LDLRAD4: variants seen among roughly 807,000 people sequenced by gnomAD.
LDLRAD4 encodes the protein low-density lipoprotein receptor class A domain-containing protein 4.
A neutral mutation model predicts 17.0 loss-of-function variants in LDLRAD4; 5 were observed. The observed-to-expected ratio is 0.29, with a 90% CI of 0.15 to 0.62. LDLRAD4 has a LOEUF of 0.62. Among genes scored for constraint, LDLRAD4 ranks in the 20% least tolerant of loss-of-function variants. The probability of loss-of-function intolerance (pLI) is 0.84; values close to 1 mark genes in which losing one functional copy is unlikely to be tolerated. For synonymous variants in LDLRAD4, 168 were observed against 171.8 expected (o/e 0.98, Z 0.17); for missense variants, 340 against 424.7 (o/e 0.80, Z 1.75).
chr18:13,339,926 A>C (rs942240585), intron 1 of LDLRAD4, among the ~76,000 whole-genome samples: 1 of 152,132 alleles, frequency 6.6e-6, no homozygotes, highest in African/African-American at 2.4e-5. Flanking sequence ...CTTCATATCC[A>C]TTAAACACTA....
chr18:13,243,816 C>T lies in LDLRAD4; in HGVS notation c.-467+24828C>T, dbSNP rs187451234. Among the ~76,000 whole-genome samples, 4 of 151,354 alleles carry T rather than the reference C, an allele frequency of 2.6e-5. No homozygotes were observed. In the East Asian group the frequency reaches 7.9e-4, roughly 30 times the overall value. On this transcript the variant is annotated intron_variant, in intron 1 of 5. Transcript: ENST00000399848. ...CATCTATCATCTCCCCAGCTACCAC[C>T]TACCCATCCACCCATCCATCTATCC... is the stretch of plus-strand genomic sequence containing the variant.
At chr18:13,445,836 G>T (rs2091369645) in intron 3 of LDLRAD4, among the ~76,000 whole-genome samples, 1 of 151,992 alleles carries the variant, frequency 6.6e-6, no homozygotes, top group Non-Finnish European at 1.5e-5. Context: ...GTGTGAGGGT[G>T]AGGCTGTGTG....
At chr18:13,435,634 G>C (rs1377710726) in intron 2 of LDLRAD4, among the ~76,000 whole-genome samples, 1 of 152,120 alleles carries the variant, frequency 6.6e-6, no homozygotes, top group African/African-American at 2.4e-5. Context: ...TTTTTGTAGA[G>C]ACAGGGTCTC....
intron 1 of LDLRAD4, among the ~76,000 whole-genome samples, chr18:13,315,654 C>T (rs966477065): frequency 2.1e-5 from 3 of 144,144 alleles, no homozygotes; most frequent in African/African-American, 8.0e-5. Flanking sequence ...TGTGGTGGCA[C>T]ACGTCTGTAA....
At chr18:13,235,108 A>C (rs1447218208) in intron 1 of LDLRAD4, 1 of 152,086 alleles carries the variant, frequency 6.6e-6, no homozygotes, top group East Asian at 1.9e-4. Context: ...AAAATTAGCC[A>C]GGCGTGGTGG....
At chr18:13,478,850 G>T (rs1028399918) in intron 3 of LDLRAD4, among the ~76,000 whole-genome samples, 1 of 152,202 alleles carries the variant, frequency 6.6e-6, no homozygotes, top group African/African-American at 2.4e-5. Context: ...CAAAGGAGGA[G>T]AAATGACGCT....
At chr18:13,547,678 A>G (rs2094384787) in intron 3 of LDLRAD4, among the ~76,000 whole-genome samples, 1 of 152,206 alleles carries the variant, frequency 6.6e-6, no homozygotes. Flanking sequence ...GACCAGGCAT[A>G]CCACAAGCGG....
chr18:13,608,697 G>T (rs1212216851), intron 3 of LDLRAD4, among the ~76,000 whole-genome samples: 1 of 152,136 alleles, frequency 6.6e-6, no homozygotes, highest in Non-Finnish European at 1.5e-5. Context: ...GATCCTTAAA[G>T]CCCGTTTGGT....
chr18:13,331,784 A>T (rs2081879229), intron 1 of LDLRAD4, among the ~76,000 whole-genome samples: 1 of 152,178 alleles, frequency 6.6e-6, no homozygotes, highest in African/African-American at 2.4e-5. Context: ...TATCAGTGTC[A>T]TTTGTACTTC....
chr18:13,389,272 C>T (rs1231504560), intron 2 of LDLRAD4, among the ~76,000 whole-genome samples: 1 of 152,070 alleles, frequency 6.6e-6, no homozygotes, highest in East Asian at 1.9e-4. Flanking sequence ...GGATGGGCAG[C>T]TCCCTCATGG....
At chr18:13,272,172 G>A (rs894184980) in intron 1 of LDLRAD4, among the ~76,000 whole-genome samples, 5 of 152,200 alleles carry the variant, frequency 3.3e-5, no homozygotes, top group Non-Finnish European at 7.3e-5. Flanking sequence ...GGGATTACAG[G>A]CGTGAGCCAC....
At chr18:13,523,851 C>T (rs1208715847) in intron 3 of LDLRAD4, among the ~76,000 whole-genome samples, 5 of 152,196 alleles carry the variant, frequency 3.3e-5, no homozygotes, top group African/African-American at 1.2e-4. Context: ...GTGGTCCCAG[C>T]CCCACCCTTT....
At chr18:13,494,846 T>C (rs959027440) in intron 3 of LDLRAD4, among the ~76,000 whole-genome samples, 8 of 145,286 alleles carry the variant, frequency 5.5e-5, no homozygotes, top group African/African-American at 1.8e-4. Context: ...AATGGTCATT[T>C]GTAATTCACC....
intron 1 of LDLRAD4, among the ~76,000 whole-genome samples, chr18:13,319,168 C>T (rs930798): frequency 0.35 from 53,523 of 152,120 alleles, 9,922 homozygotes; most frequent in African/African-American, 0.47. Flanking sequence ...TTAGCTGCTG[C>T]TCCTCTCTGT....
chr18:13,563,621 A>G (rs1277852911), intron 3 of LDLRAD4, among the ~76,000 whole-genome samples: 1 of 152,234 alleles, frequency 6.6e-6, no homozygotes, highest in African/African-American at 2.4e-5. Flanking sequence ...GAATGCCTCA[A>G]TGGTCACGAC....
rs578086515 is a variant in LDLRAD4, at chr18:13,261,926, C to T, written c.-466-16179C>T. Among the ~76,000 whole-genome samples, 65 of 152,126 alleles carry T rather than the reference C, an allele frequency of 4.3e-4. 1 individual carries two copies. The South Asian group carries it at 0.013, about 31-fold the overall frequency. On this transcript the variant is annotated intron_variant, in intron 1 of 5. Coordinates refer to the LDLRAD4 transcript ENST00000399848. ...GAGATGGGGGTGGAGCTGTGCAGAG[C>T]AGGGCACATGTGCGGCTCTGTGTGT... is the stretch of plus-strand genomic sequence containing the variant.
chr18:13,464,585 A>G (rs557349363), intron 3 of LDLRAD4, among the ~76,000 whole-genome samples: 4 of 152,206 alleles, frequency 2.6e-5, no homozygotes, highest in Non-Finnish European at 4.4e-5. Flanking sequence ...ATGTGACAAT[A>G]CCACTGTCTG....
rs554042144 is a variant in LDLRAD4, at chr18:13,373,127, CT to C, written c.-382-14211del. On this transcript the variant is annotated intron_variant, in intron 1 of 5. Coordinates refer to ENST00000359446, the Ensembl canonical transcript of LDLRAD4. ...ATGGAACTCTTAACAGCTCACACTC[CT>C]TTGGCATCCTCTACCACAACTGTTT... is the stretch of plus-strand genomic sequence containing the variant. Among the ~76,000 whole-genome samples, 34 of 150,450 alleles carry C rather than the reference CT, an allele frequency of 2.3e-4. No homozygotes were observed. In the South Asian group the frequency reaches 6.0e-3, roughly 27 times the overall value.
chr18:13,579,706 C>T (rs961213841), intron 3 of LDLRAD4, among the ~76,000 whole-genome samples: 4 of 152,208 alleles, frequency 2.6e-5, no homozygotes, highest in African/African-American at 9.7e-5. Flanking sequence ...CATTGAAATG[C>T]CACCTTTGCC....
Sources: allele counts gnomAD v4.1 joint callset (sites outside exome capture counted in the v4.1 genomes callset), GRCh38; gene constraint gnomAD v4.1.1; transcripts MANE v1.5; gene names NCBI Gene and HGNC (gene_info 2026-07-23, HGNC 2026-07-21).